RTN4: variants seen among roughly 807,000 people sequenced by gnomAD.
The protein encoded by RTN4 is reticulon 4.
Under a neutral mutation model 90.4 loss-of-function variants are expected in RTN4, and 32 were observed. That is an observed-to-expected ratio of 0.35 (90% CI 0.27 to 0.48). The LOEUF (loss-of-function observed/expected upper bound fraction) is 0.48. Among genes scored for constraint, RTN4 ranks in the 20% least tolerant of loss-of-function variants. The probability of loss-of-function intolerance (pLI) is 0.99; values close to 1 mark genes in which losing one functional copy is unlikely to be tolerated. For synonymous variants in RTN4, 629 were observed against 552.5 expected, an observed-to-expected ratio of 1.14 and a Z score of -1.94; for missense variants, 1,706 against 1,430.2, an observed-to-expected ratio of 1.19 and a Z score of -3.11.
At chr2:55,090,515 A>G (rs1217198939) in intron 1 of RTN4, among the ~76,000 whole-genome samples, 1 of 152,208 alleles carries the variant, frequency 6.6e-6, no homozygotes, top group Non-Finnish European at 1.5e-5. Context: ...ATTCAACCAA[A>G]GCAGAAGCTG....
chr2:55,125,492 G>A, the RTN4 span, among the ~76,000 whole-genome samples: 1 of 152,234 alleles, frequency 6.6e-6, no homozygotes, highest in South Asian at 2.1e-4. Context: ...ATGGCCGGGT[G>A]CGGTGGCTCA....
chr2:55,083,882 G>T (rs1668786192), intron 1 of RTN4, among the ~76,000 whole-genome samples: 1 of 152,188 alleles, frequency 6.6e-6, no homozygotes, highest in Admixed American at 6.5e-5. Flanking sequence ...TCAATTGCTA[G>T]GTGCATTCTT....
the RTN4 span, among the ~76,000 whole-genome samples, chr2:55,125,494 G>T: frequency 6.6e-6 from 1 of 152,184 alleles, no homozygotes; most frequent in Non-Finnish European, 1.5e-5. Flanking sequence ...GGCCGGGTGC[G>T]GTGGCTCACG....
chr2:55,039,011 C>T (rs1682881247), intron 1 of RTN4, among the ~76,000 whole-genome samples: 1 of 152,148 alleles, frequency 6.6e-6, no homozygotes, highest in Non-Finnish European at 1.5e-5. Flanking sequence ...TGTATGATTC[C>T]ATTCATATGA....
intron 1 of RTN4, among the ~76,000 whole-genome samples, chr2:55,035,173 T>C (rs1480892882): frequency 2.0e-5 from 3 of 152,148 alleles, no homozygotes; most frequent in Non-Finnish European, 2.9e-5. Context: ...CCACTACCAA[T>C]GAGCTAAACT....
chr2:54,977,894 C>T (rs1374940391), intron 5 of RTN4, among the ~76,000 whole-genome samples: 1 of 152,104 alleles, frequency 6.6e-6, no homozygotes. Flanking sequence ...TATTTTTATT[C>T]GCCCAAGTCA....
upstream of RTN4, among the ~76,000 whole-genome samples, chr2:55,052,049 G>A (rs2104991114): frequency 6.6e-6 from 1 of 152,266 alleles, no homozygotes; most frequent in South Asian, 2.1e-4. Flanking sequence ...AAAAAGAAAA[G>A]TAAGAGTTGG....
chr2:55,022,896 A>ACACACACACACACACACAC (rs1681543432), intron 3 of RTN4, among the ~76,000 whole-genome samples: 1 of 137,388 alleles, frequency 7.3e-6, no homozygotes, highest in Non-Finnish European at 1.6e-5. Context: ...TTCAACATCC[A>ACACACACACACACACACAC]ACACACACAC....
intron 1 of RTN4, among the ~76,000 whole-genome samples, chr2:55,110,805 C>G (rs1427747733): frequency 1.3e-5 from 2 of 152,192 alleles, no homozygotes; most frequent in African/African-American, 4.8e-5. Context: ...CTTTGGGAGG[C>G]CAAGGCAGGC....
At chr2:55,134,150 T>C in the RTN4 span, among the ~76,000 whole-genome samples, 1 of 152,208 alleles carries the variant, frequency 6.6e-6, no homozygotes, top group South Asian at 2.1e-4. Flanking sequence ...TTTAGTATGC[T>C]AATTTATTAT....
intron 4 of RTN4, among the ~76,000 whole-genome samples, chr2:54,987,273 G>C (rs1261554214): frequency 1.3e-5 from 2 of 152,176 alleles, no homozygotes; most frequent in Non-Finnish European, 2.9e-5. Flanking sequence ...AGCAGAGTTA[G>C]TTTAATGATA....
At chr2:55,022,005 C>A (rs1334005159) in intron 3 of RTN4, among the ~76,000 whole-genome samples, 2 of 152,222 alleles carry the variant, frequency 1.3e-5, no homozygotes, top group Admixed American at 6.5e-5. Context: ...ATTGCTTACA[C>A]TTTCTTCCAC....
intron 1 of RTN4, among the ~76,000 whole-genome samples, chr2:55,086,624 C>T: frequency 6.6e-6 from 1 of 151,944 alleles, no homozygotes; most frequent in Non-Finnish European, 1.5e-5. Flanking sequence ...GAGCTGTGAT[C>T]ACACTACTGC....
intron 1 of RTN4, among the ~76,000 whole-genome samples, chr2:55,097,100 G>C (rs903691564): frequency 5.3e-5 from 8 of 151,612 alleles, no homozygotes; most frequent in Non-Finnish European, 8.8e-5. Flanking sequence ...CAGACAAGAG[G>C]CCAAGAGAAG....
At chr2:55,109,635 G>A (rs1336052225) in intron 1 of RTN4, among the ~76,000 whole-genome samples, 1 of 152,194 alleles carries the variant, frequency 6.6e-6, no homozygotes, top group Admixed American at 6.5e-5. Flanking sequence ...AAGCACTGGA[G>A]CAGGGTGTTT....
At chr2:55,105,813 C>A (rs1270484083) in intron 1 of RTN4, among the ~76,000 whole-genome samples, 1 of 151,854 alleles carries the variant, frequency 6.6e-6, no homozygotes, top group Non-Finnish European at 1.5e-5. Flanking sequence ...GCCCCAGACT[C>A]CACAAAAAAT....
intron 2 of RTN4, among the ~76,000 whole-genome samples, chr2:55,078,664 T>C (rs1201888298): frequency 6.6e-6 from 1 of 152,238 alleles, no homozygotes; most frequent in Non-Finnish European, 1.5e-5. Flanking sequence ...AAATTAACTC[T>C]ACTTTCAAAA....
intron 3 of RTN4, among the ~76,000 whole-genome samples, chr2:55,019,323 C>T (rs528673097): frequency 2.6e-4 from 40 of 152,114 alleles, no homozygotes; most frequent in Non-Finnish European, 4.4e-4. Flanking sequence ...CAAGAATCAT[C>T]AATGGTTTAC....
chr2:55,109,758 T>C lies in RTN4; in HGVS notation c.-214+2762A>G, dbSNP rs72795489. On this transcript the variant is annotated intron_variant, in intron 1 of 3. Coordinates refer to the RTN4 transcript ENST00000427710. ...GACTCAGAGCATATGTTGACCCGAG[T>C]GCCCTTTGGCAAACAGGAGCTCCAG... is the stretch of plus-strand genomic sequence containing the variant. Among the ~76,000 whole-genome samples, 398 of 152,316 alleles carry C rather than the reference T, an allele frequency of 2.6e-3. 2 individuals carry two copies. Among genetic ancestry groups the C allele is most frequent in the Middle Eastern group, 6.8e-3 (2 of 294 alleles).
Sources: gnomAD v4.1 joint callset for allele counts (sites outside exome capture counted in the v4.1 genomes callset) on GRCh38, gnomAD v4.1.1 for gene constraint, MANE v1.5 for transcripts, NCBI Gene and HGNC (gene_info 2026-07-23, HGNC 2026-07-21) for gene names.